The following PAFAH1B1 variants were observed in gnomAD, a reference collection of about 807,000 sequenced individuals.
The protein encoded by PAFAH1B1 is platelet activating factor acetylhydrolase 1b regulatory subunit 1, also known as platelet-activating factor acetylhydrolase IB subunit beta.
PAFAH1B1 carries 2 observed loss-of-function variants against 57.5 expected under a neutral mutation model. That is an observed-to-expected ratio of 0.03 (90% CI 0.01 to 0.11). The LOEUF is 0.11. Among genes scored for constraint, PAFAH1B1 ranks in the 10% least tolerant of loss-of-function variants. The probability of loss-of-function intolerance (pLI) is 1.00; values close to 1 mark genes in which losing one functional copy is unlikely to be tolerated. For synonymous variants in PAFAH1B1, 152 were observed against 169.6 expected (o/e 0.90, Z 0.81); for missense variants, 257 against 512.0 (o/e 0.50, Z 4.81).
intron 1 of PAFAH1B1, among the ~76,000 whole-genome samples, chr17:2,628,403 G>A (rs1381313325): frequency 6.6e-6 from 1 of 152,060 alleles, no homozygotes; most frequent in African/African-American, 2.4e-5. Flanking sequence ...AACCATCCCT[G>A]CATCCCTAAT....
intron 2 of PAFAH1B1, among the ~76,000 whole-genome samples, chr17:2,643,326 C>T (rs985272540): frequency 6.6e-6 from 1 of 152,104 alleles, no homozygotes; most frequent in Non-Finnish European, 1.5e-5. Flanking sequence ...GCTATATTGC[C>T]CAGGCAGGTC....
chr17:2,629,935 A>G (rs1254725254), intron 1 of PAFAH1B1, among the ~76,000 whole-genome samples: 1 of 152,108 alleles, frequency 6.6e-6, no homozygotes, highest in East Asian at 1.9e-4. Context: ...TTTGCATGAA[A>G]TGCCCTTTTC....
intron 1 of PAFAH1B1, among the ~76,000 whole-genome samples, chr17:2,600,161 C>T (rs1206058644): frequency 6.6e-6 from 1 of 151,490 alleles, no homozygotes; most frequent in Non-Finnish European, 1.5e-5. Flanking sequence ...TGTATTTTTA[C>T]TAAAGAACTC....
intron 2 of PAFAH1B1, chr17:2,641,467 A>G (rs2068693884): frequency 6.6e-6 from 1 of 151,692 alleles, no homozygotes; most frequent in Non-Finnish European, 1.5e-5. Context: ...CTGTCTTTTC[A>G]TTATTGGTGT....
rs534219431 is a variant in PAFAH1B1 at position 2,621,607 on chromosome 17, CTTTTTTTTTTTTTTTTT to C, written c.-190-16472_-190-16456del. 1.4e-4 allele frequency among the ~76,000 whole-genome samples: 12 copies of C among 84,784 alleles called. 1 individual carries two copies. Among genetic ancestry groups the C allele is most frequent in the South Asian group, 1.1e-3 (3 of 2,668 alleles). 55.6% of individuals were successfully genotyped at this position (84,784 alleles called of 152,430 possible). On this transcript the variant is annotated intron_variant, in intron 1 of 10. Coordinates refer to ENST00000397195, the MANE Select transcript of PAFAH1B1 (RefSeq NM_000430.4). ...TATTCAAGCATGGTAGATAATCTGT[CTTTTTTTTTTTTTTTTT>C]TTTTTTTTTTTTTTTTTTTGAGACA...
chr17:2,632,566 A>G (rs1490825112), intron 1 of PAFAH1B1, among the ~76,000 whole-genome samples: 2 of 152,172 alleles, frequency 1.3e-5, no homozygotes, highest in Non-Finnish European at 2.9e-5. Flanking sequence ...TCTTTAACGT[A>G]CAGTTGGCCC....
chr17:2,594,967 T>C (rs548491684), intron 1 of PAFAH1B1, among the ~76,000 whole-genome samples: 1 of 152,296 alleles, frequency 6.6e-6, no homozygotes. Context: ...CAAGGTACCA[T>C]AGCTTTATAT....
chr17:2,652,344 G>A (rs1308322405), intron 2 of PAFAH1B1, among the ~76,000 whole-genome samples: 1 of 152,224 alleles, frequency 6.6e-6, no homozygotes, highest in East Asian at 1.9e-4. Flanking sequence ...GAACCCGGGA[G>A]GCGGAGCTTG....
chr17:2,670,165 G>A lies in PAFAH1B1; in HGVS notation c.402G>A (p.Val134=), dbSNP rs746003762. 4.3e-6 allele frequency: 7 copies of A among 1,613,970 alleles called. No homozygotes were observed. Among genetic ancestry groups the A allele is most frequent in the Non-Finnish European group, 4.2e-6 (5 of 1,179,906 alleles). Residue 134 remains valine (V), a splice_region_variant and synonymous_variant, in exon 6 of 11, where the codon GTG becomes GTA. Transcript: ENST00000397195. The stretch of plus-strand genomic sequence containing the variant: ...CCAATTTTCTGTTCACTTGACAGGT[G>A]TGGGATTATGAGACTGGAGATTTTG... The part of the protein sequence containing the change: ...VSASEDATIK[V]WDYETGDFER...
rs550693625 is a variant in PAFAH1B1 at position 2,647,447 on chromosome 17, G to A, written c.32+9127G>A. On this transcript the variant is annotated intron_variant, in intron 2 of 10. Coordinates refer to ENST00000397195, the MANE Select transcript of PAFAH1B1 (RefSeq NM_000430.4). ...TACTATTTTGAAGGCTGAGGCGTGAGAATCACTTGAACCTGAGAGGCAGAG... is the reference window on the plus strand; with the variant it reads ...TACTATTTTGAAGGCTGAGGCGTGAAAATCACTTGAACCTGAGAGGCAGAG... 3.7e-4 allele frequency among the ~76,000 whole-genome samples: 57 copies of A among 152,210 alleles called. 1 individual carries two copies. Among genetic ancestry groups the A allele is most frequent in the African/African-American group, 1.2e-3 (51 of 41,524 alleles).
rs557356783 is a variant in PAFAH1B1 at position 2,638,576 on chromosome 17, C to T, written c.32+256C>T. 2.5e-4 allele frequency: 104 copies of T among 410,374 alleles called. 1 individual carries two copies. In the South Asian group the frequency reaches 2.7e-3, roughly 11 times the overall value. The allele number at this position is 410,374 out of a possible 1,614,324, so 25.4% of individuals were successfully genotyped here. On this transcript the variant is annotated intron_variant, in intron 2 of 10. Coordinates refer to ENST00000397195, the MANE Select transcript of PAFAH1B1 (RefSeq NM_000430.4). Reference sequence around the variant, plus strand: ...AGGCTGGAGTGCAATGGCGCCATCTCGGCTCACTTCAACCTCCGCCTCCCA... The same window carrying T: ...AGGCTGGAGTGCAATGGCGCCATCTTGGCTCACTTCAACCTCCGCCTCCCA...
At chr17:2,611,382 C>T (rs1364329060) in intron 1 of PAFAH1B1, among the ~76,000 whole-genome samples, 10 of 151,600 alleles carry the variant, frequency 6.6e-5, no homozygotes, top group Non-Finnish European at 1.0e-4. Context: ...GCAGGAGAAT[C>T]GCTTGAACCT....
intron 1 of PAFAH1B1, among the ~76,000 whole-genome samples, chr17:2,633,434 C>T (rs747409369): frequency 2.0e-5 from 3 of 151,368 alleles, no homozygotes; most frequent in Non-Finnish European, 2.9e-5. Context: ...TCCCAAAGTG[C>T]TGGGATTACA....
chr17:2,593,463 G>T, upstream of PAFAH1B1: 2 of 153,204 alleles, frequency 1.3e-5, no homozygotes, highest in South Asian at 3.7e-4. Flanking sequence ...CCCGCCGGCC[G>T]GGTGGCACCG....
At chr17:2,680,023 C>T in intron 9 of PAFAH1B1, 141 bp from the exon 10 acceptor site, 1 of 796,460 alleles carries the variant, frequency 1.3e-6, no homozygotes, top group Non-Finnish European at 2.1e-6. Flanking sequence ...TTTCAGTTTC[C>T]TTTAATCTAG....
chr17:2,661,181 C>G (rs2069008677), intron 2 of PAFAH1B1, among the ~76,000 whole-genome samples: 1 of 152,114 alleles, frequency 6.6e-6, no homozygotes, highest in Non-Finnish European at 1.5e-5. Context: ...AATTAGATCC[C>G]ACTTGTCAAT....
chr17:2,665,972 ATAGT>A, intron 3 of PAFAH1B1, 40 bp from the exon 4 acceptor site: 1 of 1,388,770 alleles, frequency 7.2e-7, no homozygotes, highest in Non-Finnish European at 9.8e-7. Context: ...CTTGAGGATC[ATAGT>A]TAAGCCATTT....
intron 2 of PAFAH1B1, among the ~76,000 whole-genome samples, chr17:2,660,533 T>A (rs750568364): frequency 6.6e-6 from 1 of 152,230 alleles, no homozygotes; most frequent in Admixed American, 6.6e-5. Context: ...GTTAGTCTGC[T>A]GAGGATGGTG....
At chr17:2,662,653 C>T (rs183972661) in intron 2 of PAFAH1B1, among the ~76,000 whole-genome samples, 1 of 152,156 alleles carries the variant, frequency 6.6e-6, no homozygotes, top group Non-Finnish European at 1.5e-5. Context: ...GATCTGCCCT[C>T]CTGGGCCTCC....
Sources: gnomAD v4.1 joint callset for allele counts (sites outside exome capture counted in the v4.1 genomes callset) on GRCh38, gnomAD v4.1.1 for gene constraint, MANE v1.5 for transcripts, NCBI Gene and HGNC (gene_info 2026-07-23, HGNC 2026-07-21) for gene names.